HDX: variants seen among roughly 807,000 people sequenced by gnomAD.
HDX encodes highly divergent homeobox.
A neutral mutation model predicts 45.2 loss-of-function variants in HDX; 19 were observed. The observed-to-expected ratio is 0.42, with a 90% confidence interval of 0.29 to 0.62. The LOEUF is 0.62. HDX is among the 20% of genes least tolerant of loss of function. HDX has a pLI of 0.20. For synonymous variants in HDX, 188 were observed against 172.8 expected, an observed-to-expected ratio of 1.09 and a Z score of -0.69; for missense variants, 532 against 493.9, an observed-to-expected ratio of 1.08 and a Z score of -0.73.
chrX:84,404,558 T>C lies in HDX; in HGVS notation c.1305+35974A>G, dbSNP rs181130788. ...TAAAGGTTCAGAAGTGTATTAAGTGTTTTAGGTGATAGAATAGAAGATTCT... is the reference window on the plus strand; with the variant it reads ...TAAAGGTTCAGAAGTGTATTAAGTGCTTTAGGTGATAGAATAGAAGATTCT... On this transcript the variant is annotated intron_variant, in intron 5 of 10. Transcript: ENST00000373177. Among the ~76,000 whole-genome samples the C allele has an allele frequency of 7.4e-4, 83 of 111,423 alleles. No individual in the cohort carries two copies. The East Asian group carries it at 0.021, about 28-fold the overall frequency.
chrX:84,439,371 AAT>A lies in HDX; in HGVS notation c.1305+1159_1305+1160del, dbSNP rs1423271140. 0.012 allele frequency among the ~76,000 whole-genome samples: 10 copies of A among 845 alleles called. No individual in the cohort carries two copies. The Admixed American group carries it at 0.15, about 13-fold the overall frequency. 0.7% of individuals were successfully genotyped at this position (845 alleles called of 115,157 possible). A position where few individuals can be genotyped will look rare whatever the true frequency, so the allele number is the denominator to read the frequency against. On this transcript the variant is annotated intron_variant, in intron 5 of 10. Transcript: ENST00000373177. Reference sequence around the variant, plus strand: ...TAGGTTGTCTTTTTATGCTGTTCATAATTTTTTTTTTTTGTTGTGCAGAAGCT... The same window carrying A: ...TAGGTTGTCTTTTTATGCTGTTCATATTTTTTTTTTTGTTGTGCAGAAGCT...
intron 1 of HDX, among the ~76,000 whole-genome samples, chrX:84,501,795 A>T (rs2041123344): frequency 9.0e-6 from 1 of 111,226 alleles, no homozygotes; most frequent in African/African-American, 3.3e-5. Flanking sequence ...TACTTTCCAA[A>T]TTCAGCACAG....
chrX:84,361,834 T>C (rs2037629383), intron 5 of HDX, among the ~76,000 whole-genome samples: 1 of 111,955 alleles, frequency 8.9e-6, no homozygotes, highest in Admixed American at 9.5e-5. Flanking sequence ...ATTTTTGAAC[T>C]GATAGCAATT....
At chrX:84,331,745 A>T (rs2147769926) in intron 9 of HDX, among the ~76,000 whole-genome samples, 1 of 111,729 alleles carries the variant, frequency 9.0e-6, no homozygotes, top group South Asian at 3.7e-4. Context: ...TAACTTTTCT[A>T]TGGATAGATA....
chrX:84,358,741 G>T (rs749857271), intron 6 of HDX, among the ~76,000 whole-genome samples: 1 of 111,816 alleles, frequency 8.9e-6, no homozygotes, highest in South Asian at 3.7e-4. Flanking sequence ...ATATATATGA[G>T]ATAAGAGCTG....
At chrX:84,326,146 A>C in intron 10 of HDX, 32 bp downstream of exon 10, 2 of 1,196,641 alleles carry the variant, frequency 1.7e-6, no homozygotes, top group Non-Finnish European at 2.3e-6. Context: ...GACTTGATAC[A>C]TTGCAGCTTA....
intron 1 of HDX, among the ~76,000 whole-genome samples, chrX:84,495,571 A>G (rs998498501): frequency 8.9e-6 from 1 of 111,880 alleles, no homozygotes. Context: ...AATAAAAATA[A>G]AGAAATTGCA....
intron 5 of HDX, among the ~76,000 whole-genome samples, chrX:84,408,499 G>GTTTTTTTTTTTTTTTTTTTTTTT (rs1220751208): frequency 4.5e-5 from 2 of 44,437 alleles, no homozygotes; most frequent in Non-Finnish European, 7.9e-5. Context: ...CTCCAGCTTT[G>GTTTTTTTTTTTTTTTTTTTTTTT]TTTTTTTTTT....
At chrX:84,370,767 G>A (rs767881502) in intron 5 of HDX, among the ~76,000 whole-genome samples, 1 of 112,132 alleles carries the variant, frequency 8.9e-6, no homozygotes, top group Non-Finnish European at 1.9e-5. Context: ...AAGCAGAAGT[G>A]GAACAAGACC....
At chrX:84,451,228 A>C (rs2039989714) in intron 4 of HDX, among the ~76,000 whole-genome samples, 1 of 111,401 alleles carries the variant, frequency 9.0e-6, no homozygotes, top group Non-Finnish European at 1.9e-5. Context: ...ACTATCAACA[A>C]AATGAAAAGT....
chrX:84,358,576 G>C (rs1223575395), intron 6 of HDX, among the ~76,000 whole-genome samples: 1 of 111,657 alleles, frequency 9.0e-6, no homozygotes, highest in East Asian at 2.8e-4. Flanking sequence ...ACACATAGCA[G>C]CATGCTCAAC....
At chrX:84,340,761 C>A (rs754574394) in intron 7 of HDX, among the ~76,000 whole-genome samples, 1 of 111,302 alleles carries the variant, frequency 9.0e-6, no homozygotes, top group Non-Finnish European at 1.9e-5. Flanking sequence ...GTTGCAATTT[C>A]TGTGAGAATG....
intron 1 of HDX, among the ~76,000 whole-genome samples, chrX:84,493,004 C>A (rs1453451510): frequency 9.1e-6 from 1 of 109,625 alleles, no homozygotes; most frequent in Non-Finnish European, 1.9e-5. Flanking sequence ...CCTCCACCTC[C>A]TGGATTCAAG....
chrX:84,341,115 C>T (rs1229951134), intron 7 of HDX, among the ~76,000 whole-genome samples: 2 of 110,656 alleles, frequency 1.8e-5, no homozygotes, highest in African/African-American at 6.6e-5. Context: ...TGAATATTTT[C>T]TCTCAGCTCA....
chrX:84,485,066 T>C (rs1174341161), intron 2 of HDX, among the ~76,000 whole-genome samples: 1 of 112,137 alleles, frequency 8.9e-6, no homozygotes, highest in East Asian at 2.8e-4. Flanking sequence ...TATCTTTCTG[T>C]TATTAATTTT....
intron 6 of HDX, among the ~76,000 whole-genome samples, chrX:84,349,589 C>A (rs1010840302): frequency 1.6e-4 from 12 of 74,015 alleles, no homozygotes; most frequent in African/African-American, 6.3e-4. Context: ...ATATGTACAT[C>A]TATATGTTTA....
intron 5 of HDX, among the ~76,000 whole-genome samples, chrX:84,390,342 A>T (rs1317583888): frequency 8.9e-6 from 1 of 111,903 alleles, no homozygotes; most frequent in Non-Finnish European, 1.9e-5. Flanking sequence ...TTACTAGTAA[A>T]TTTTTAAGAG....
At chrX:84,489,819 G>T (rs1381723470) in intron 1 of HDX, among the ~76,000 whole-genome samples, 1 of 111,014 alleles carries the variant, frequency 9.0e-6, no homozygotes, top group African/African-American at 3.3e-5. Flanking sequence ...GAGTTGCAAA[G>T]TATTACCTCC....
intron 5 of HDX, among the ~76,000 whole-genome samples, chrX:84,410,059 GA>G (rs2038948095): frequency 1.0e-4 from 1 of 9,847 alleles, no homozygotes; most frequent in South Asian, 0.011. Flanking sequence ...TCTCAAAAAA[GA>G]TTAAAAAAAA....
Sources: allele counts gnomAD v4.1 joint callset (sites outside exome capture counted in the v4.1 genomes callset), GRCh38; gene constraint gnomAD v4.1.1; transcripts MANE v1.5; gene names NCBI Gene and HGNC (gene_info 2026-07-23, HGNC 2026-07-21).